Variants in LHFPL3 observed in about 807,000 individuals in gnomAD.
The protein encoded by LHFPL3 is LHFPL tetraspan subfamily member 3.
In LHFPL3, 5 loss-of-function variants were observed where a neutral mutation model predicts 19.3. That is an observed-to-expected ratio of 0.26 (90% CI 0.14 to 0.54). LHFPL3 has a LOEUF of 0.54. Ranked by LOEUF, LHFPL3 falls within the 20% of genes least tolerant of loss-of-function variation. The pLI is 0.94. For missense variants in LHFPL3, 249 were observed against 307.4 expected (o/e 0.81, Z 1.42); for synonymous variants, 133 against 126.2 (o/e 1.05, Z -0.36).
chr7:104,754,423 A>G (rs187252707), intron 2 of LHFPL3, among the ~76,000 whole-genome samples: 1 of 152,300 alleles, frequency 6.6e-6, no homozygotes, highest in African/African-American at 2.4e-5. Context: ...ACAGTGTGGT[A>G]TAGGGGGAAG....
chr7:104,881,033 G>A (rs1468561055), intron 2 of LHFPL3, among the ~76,000 whole-genome samples: 3 of 152,108 alleles, frequency 2.0e-5, no homozygotes, highest in Non-Finnish European at 2.9e-5. Flanking sequence ...AGCCGGGCGT[G>A]CTAGCAGGCA....
At chr7:104,614,207 G>C (rs1424583419) in intron 1 of LHFPL3, among the ~76,000 whole-genome samples, 2 of 152,102 alleles carry the variant, frequency 1.3e-5, no homozygotes, top group Admixed American at 6.6e-5. Context: ...GAACATGAGG[G>C]CTGTCTTGGT....
chr7:104,840,201 A>C (rs908585886), intron 2 of LHFPL3, among the ~76,000 whole-genome samples: 6 of 151,756 alleles, frequency 4.0e-5, no homozygotes, highest in Non-Finnish European at 8.8e-5. Context: ...TGACTCTAAC[A>C]CTAAATTACA....
At chr7:104,531,514 AC>A (rs1483771282) in intron 1 of LHFPL3, among the ~76,000 whole-genome samples, 2 of 152,152 alleles carry the variant, frequency 1.3e-5, no homozygotes, top group Non-Finnish European at 2.9e-5. Context: ...TTTTAGGGAT[AC>A]TTCAAAAGGC....
At chr7:104,383,439 C>T (rs535428013) in intron 1 of LHFPL3, among the ~76,000 whole-genome samples, 1 of 152,342 alleles carries the variant, frequency 6.6e-6, no homozygotes, top group Non-Finnish European at 1.5e-5. Flanking sequence ...CAGCGTACTT[C>T]CTTTAACCAG....
intron 1 of LHFPL3, among the ~76,000 whole-genome samples, chr7:104,683,499 A>G (rs758412703): frequency 4.6e-5 from 7 of 152,224 alleles, no homozygotes; most frequent in Non-Finnish European, 1.0e-4. Flanking sequence ...AGTGATGAAC[A>G]TTCTTCCTTG....
chr7:104,345,642 A>G (rs1408844507), intron 1 of LHFPL3, among the ~76,000 whole-genome samples: 4 of 152,200 alleles, frequency 2.6e-5, no homozygotes, highest in African/African-American at 4.8e-5. Context: ...TTTCAATGGC[A>G]TGGTTTATAC....
intron 2 of LHFPL3, among the ~76,000 whole-genome samples, chr7:104,771,270 G>T (rs1794545786): frequency 6.6e-6 from 1 of 152,148 alleles, no homozygotes; most frequent in South Asian, 2.1e-4. Flanking sequence ...ACAGGTGTAT[G>T]GCACTTTCAC....
chr7:104,815,028 G>GC lies in LHFPL3; in HGVS notation c.682+78120dup, dbSNP rs369693774. Reference sequence around the variant, plus strand: ...TCCCACCTGCTCTATGGAGCAGGAGGCCCAGGTCTGCAGCCATGGTTTGGG... The same window carrying GC: ...TCCCACCTGCTCTATGGAGCAGGAGGCCCCAGGTCTGCAGCCATGGTTTGGG... On this transcript the variant is annotated intron_variant, in intron 2 of 2. Transcript: ENST00000424859. 1.9e-4 allele frequency among the ~76,000 whole-genome samples: 29 copies of GC among 152,258 alleles called. 1 individual carries two copies. Among genetic ancestry groups the GC allele is most frequent in the African/African-American group, 6.7e-4 (28 of 41,578 alleles).
At chr7:104,590,969 G>A (rs1282063220) in intron 1 of LHFPL3, among the ~76,000 whole-genome samples, 1 of 152,104 alleles carries the variant, frequency 6.6e-6, no homozygotes, top group Non-Finnish European at 1.5e-5. Flanking sequence ...TTGCTTGGCA[G>A]ATCATCCTCC....
chr7:104,600,470 A>G (rs886104954), intron 1 of LHFPL3, among the ~76,000 whole-genome samples: 3 of 152,196 alleles, frequency 2.0e-5, no homozygotes, highest in African/African-American at 4.8e-5. Flanking sequence ...TTTTGCTGTC[A>G]CCAGAGCCAC....
At chr7:104,447,866 T>G (rs1018009969) in intron 1 of LHFPL3, among the ~76,000 whole-genome samples, 1 of 152,136 alleles carries the variant, frequency 6.6e-6, no homozygotes, top group African/African-American at 2.4e-5. Flanking sequence ...AAACATCCGT[T>G]TATCTGAAAG....
At chr7:104,638,970 G>A (rs895193599) in intron 1 of LHFPL3, among the ~76,000 whole-genome samples, 1 of 150,600 alleles carries the variant, frequency 6.6e-6, no homozygotes, top group East Asian at 1.9e-4. Flanking sequence ...TCATTATGTT[G>A]CCCAGGGTGG....
chr7:104,871,361 G>A (rs1014840272), intron 2 of LHFPL3, among the ~76,000 whole-genome samples: 2 of 152,092 alleles, frequency 1.3e-5, no homozygotes, highest in Admixed American at 6.5e-5. Flanking sequence ...ACCTGCATAG[G>A]GCACTTACCA....
At chr7:104,551,744 T>A (rs1035626271) in intron 1 of LHFPL3, among the ~76,000 whole-genome samples, 1 of 152,154 alleles carries the variant, frequency 6.6e-6, no homozygotes, top group Non-Finnish European at 1.5e-5. Flanking sequence ...TATTGGTGAT[T>A]CTTAGAAATA....
chr7:104,452,523 T>C (rs1792460583), intron 1 of LHFPL3, among the ~76,000 whole-genome samples: 1 of 152,192 alleles, frequency 6.6e-6, no homozygotes, highest in Admixed American at 6.5e-5. Context: ...GATCAAAAAA[T>C]AAAATCAAAG....
At chr7:104,360,404 C>G (rs988557724) in intron 1 of LHFPL3, among the ~76,000 whole-genome samples, 4 of 152,138 alleles carry the variant, frequency 2.6e-5, no homozygotes, top group Admixed American at 6.5e-5. Flanking sequence ...AAAGTAAGAT[C>G]TTAATGAATG....
At chr7:104,459,515 A>G (rs73712144) in intron 1 of LHFPL3, among the ~76,000 whole-genome samples, 1,739 of 152,258 alleles carry the variant, frequency 0.011, 25 homozygotes, top group African/African-American at 0.039. Context: ...TCCAAAGTAT[A>G]CTTTATTTAA....
At chr7:104,339,705 A>G (rs78667855) in intron 1 of LHFPL3, among the ~76,000 whole-genome samples, 2,375 of 152,218 alleles carry the variant, frequency 0.016, 64 homozygotes, top group African/African-American at 0.054. Flanking sequence ...TTATCTATGT[A>G]TTTTCCAGAA....
Sources: gnomAD v4.1 joint callset for allele counts (sites outside exome capture counted in the v4.1 genomes callset) on GRCh38, gnomAD v4.1.1 for gene constraint, MANE v1.5 for transcripts, NCBI Gene and HGNC (gene_info 2026-07-23, HGNC 2026-07-21) for gene names.